Variants in LCOR observed in about 807,000 individuals in gnomAD.
LCOR encodes ligand-dependent corepressor.
In LCOR, 14 loss-of-function variants were observed where a neutral mutation model predicts 64.4. The ratio of observed to expected loss-of-function variants is 0.22; its 90% CI spans 0.14 to 0.34. LCOR has a LOEUF of 0.34. Ranked by LOEUF, LCOR falls within the 10% of genes least tolerant of loss-of-function variation. The probability of loss-of-function intolerance (pLI) is 1.00; values close to 1 mark genes in which losing one functional copy is unlikely to be tolerated. For synonymous variants in LCOR, 643 were observed against 642.5 expected (o/e 1.00, Z -0.01); for missense variants, 1,686 against 1,765.3 (o/e 0.96, Z 0.80).
chr10:96,910,042 T>C (rs116052716), intron 4 of LCOR, among the ~76,000 whole-genome samples: 3,743 of 152,288 alleles, frequency 0.025, 159 homozygotes, highest in African/African-American at 0.085. Context: ...TGTAATATGA[T>C]TGAGAGTTTT....
At chr10:96,929,264 A>G (rs975548773) in intron 4 of LCOR, among the ~76,000 whole-genome samples, 5 of 152,238 alleles carry the variant, frequency 3.3e-5, no homozygotes, top group African/African-American at 4.8e-5. Flanking sequence ...CTTTTTGTCT[A>G]CATTGAAAAT....
chr10:96,891,432 T>C (rs1201738887), intron 2 of LCOR, among the ~76,000 whole-genome samples: 3 of 150,942 alleles, frequency 2.0e-5, no homozygotes, highest in Admixed American at 1.3e-4. Context: ...TTTGTCAATA[T>C]TGATTTTTTC....
chr10:96,942,900 C>G (rs1847520081), intron 4 of LCOR, among the ~76,000 whole-genome samples: 1 of 152,146 alleles, frequency 6.6e-6, no homozygotes. Context: ...TGCACTAGAA[C>G]TTAACACTTA....
At chr10:96,972,707 C>T (rs1268549548) in intron 7 of LCOR, among the ~76,000 whole-genome samples, 1 of 152,186 alleles carries the variant, frequency 6.6e-6, no homozygotes, top group African/African-American at 2.4e-5. Flanking sequence ...AGGAGATCTA[C>T]TCTGTCCCTT....
chr10:96,969,629 T>C (rs1847979796), intron 7 of LCOR, among the ~76,000 whole-genome samples: 1 of 152,164 alleles, frequency 6.6e-6, no homozygotes, highest in Non-Finnish European at 1.5e-5. Flanking sequence ...TCAAAACTTT[T>C]CCAGTGGAAG....
intron 2 of LCOR, among the ~76,000 whole-genome samples, chr10:96,893,673 G>T (rs2134435824): frequency 6.6e-6 from 1 of 151,316 alleles, no homozygotes; most frequent in East Asian, 2.0e-4. Flanking sequence ...TGAGGCAGGA[G>T]AATTGCTTGA....
chr10:96,869,637 C>T (rs934235451), intron 2 of LCOR, among the ~76,000 whole-genome samples: 11 of 150,710 alleles, frequency 7.3e-5, no homozygotes, highest in African/African-American at 2.4e-4. Context: ...TGCAGTGGCA[C>T]GATCTTTGCT....
intron 2 of LCOR, among the ~76,000 whole-genome samples, chr10:96,868,393 G>A (rs1589617396): frequency 1.3e-5 from 2 of 151,332 alleles, no homozygotes; most frequent in East Asian, 3.9e-4. Context: ...TCCTGCCTCA[G>A]CTTCCCGAGT....
intron 4 of LCOR, among the ~76,000 whole-genome samples, chr10:96,932,609 G>C (rs1038250214): frequency 6.6e-6 from 1 of 151,928 alleles, no homozygotes; most frequent in African/African-American, 2.4e-5. Context: ...GACTACAGGC[G>C]CACGCCACCA....
At chr10:96,912,948 A>C in intron 4 of LCOR, among the ~76,000 whole-genome samples, 1 of 152,144 alleles carries the variant, frequency 6.6e-6, no homozygotes. Flanking sequence ...TCTGTGGATT[A>C]TAATTCATTA....
chr10:96,995,056 G>A lies in LCOR; in HGVS notation c.*9922G>A, dbSNP rs899960974. 6.6e-6 allele frequency: 1 copy of A among 152,258 alleles called. No individual in the cohort carries two copies. Among genetic ancestry groups the A allele is most frequent in the Non-Finnish European group, 1.5e-5 (1 of 68,056 alleles). The allele number at this position is 152,258 out of a possible 1,614,324, so 9.4% of individuals were successfully genotyped here. A position where few individuals can be genotyped will look rare whatever the true frequency, so the allele number is the denominator to read the frequency against. ...GCCCATGCAATTTAACTGAAGCTCA[G>A]GTGCCACGTTGGATTTTTATTCTTA... On this transcript the variant is annotated 3_prime_UTR_variant, in exon 8 of 8. Transcript: ENST00000421806. The surrounding 1 kb of genome is among the most constrained non-coding windows in gnomAD (Gnocchi z 4.2).
intron 2 of LCOR, among the ~76,000 whole-genome samples, chr10:96,891,991 T>G (rs1846453738): frequency 6.6e-6 from 1 of 152,244 alleles, no homozygotes; most frequent in Non-Finnish European, 1.5e-5. Flanking sequence ...TTTTGAAATT[T>G]ACGGCAAGTT....
At chr10:96,940,917 C>T (rs1263711309) in intron 4 of LCOR, among the ~76,000 whole-genome samples, 3 of 151,326 alleles carry the variant, frequency 2.0e-5, no homozygotes, top group African/African-American at 7.3e-5. Context: ...CCCCACCTCC[C>T]GGATGGGGCG....
chr10:96,955,107 C>T (rs753217283), intron 7 of LCOR: 1 of 1,614,198 alleles, frequency 6.2e-7, no homozygotes, highest in African/African-American at 1.3e-5. Context: ...TAGTGAAGAA[C>T]TACTGAGCAG....
At chr10:96,914,258 G>A (rs999371754) in intron 4 of LCOR, among the ~76,000 whole-genome samples, 6 of 152,078 alleles carry the variant, frequency 3.9e-5, no homozygotes, top group African/African-American at 1.4e-4. Flanking sequence ...GTACAGTGGC[G>A]CCATCTTGGG....
At chr10:96,885,755 A>G (rs1367468944) in intron 2 of LCOR, among the ~76,000 whole-genome samples, 1 of 151,720 alleles carries the variant, frequency 6.6e-6, no homozygotes, top group Non-Finnish European at 1.5e-5. Flanking sequence ...TGAACCGAAA[A>G]GAAAAAAAAA....
intron 2 of LCOR, among the ~76,000 whole-genome samples, chr10:96,862,080 T>G (rs966640253): frequency 2.0e-5 from 3 of 152,174 alleles, no homozygotes; most frequent in Non-Finnish European, 4.4e-5. Flanking sequence ...ACTGGTTTAT[T>G]ATAAATGATA....
At chr10:96,939,820 G>A (rs1042892554) in intron 4 of LCOR, among the ~76,000 whole-genome samples, 3 of 152,078 alleles carry the variant, frequency 2.0e-5, no homozygotes, top group African/African-American at 7.2e-5. Context: ...AAAATCAGCC[G>A]GGCCTGATGG....
At chr10:96,889,018 T>C (rs1039967331) in intron 2 of LCOR, among the ~76,000 whole-genome samples, 1 of 152,222 alleles carries the variant, frequency 6.6e-6, no homozygotes, top group African/African-American at 2.4e-5. Context: ...AAATTCACCA[T>C]TTGAGCCATT....
Sources: gnomAD v4.1 joint callset for allele counts (sites outside exome capture counted in the v4.1 genomes callset) on GRCh38, gnomAD v4.1.1 for gene constraint, Gnocchi (gnomAD v3.1) non-coding constraint, MANE v1.5 for transcripts, NCBI Gene and HGNC (gene_info 2026-07-23, HGNC 2026-07-21) for gene names.